EVA1C: variants seen among roughly 807,000 people sequenced by gnomAD.
EVA1C encodes eva-1 homolog C.
A neutral mutation model predicts 45.4 loss-of-function variants in EVA1C; 25 were observed. That is an observed-to-expected ratio of 0.55 (90% CI 0.40 to 0.77). The LOEUF is 0.77. Ranked by LOEUF, EVA1C falls within the 30% of genes least tolerant of loss-of-function variation. The pLI, the probability that EVA1C is intolerant of heterozygous loss-of-function variation, is 0.00. For synonymous variants in EVA1C, 190 were observed against 221.2 expected, an observed-to-expected ratio of 0.86 and a Z score of 1.25; for missense variants, 479 against 554.8, an observed-to-expected ratio of 0.86 and a Z score of 1.37.
In EVA1C at chr21:32,515,321, G is replaced by T; in HGVS notation, c.*131G>T. 1 of 998,756 alleles carries T rather than the reference G, an allele frequency of 1.0e-6. No individual in the cohort carries two copies. 61.9% of individuals were successfully genotyped at this position (998,756 alleles called of 1,614,324 possible). A position where few individuals can be genotyped will look rare whatever the true frequency, so the allele number is the denominator to read the frequency against. On this transcript the variant is annotated 3_prime_UTR_variant, in exon 8 of 8. Transcript: ENST00000300255. ...TGTCATTCAACACTCGTGAGGCCAG[G>T]AAGCTATTAAAGGGATGTTTCAAGC... is the stretch of plus-strand genomic sequence containing the variant.
chr21:32,412,858 T>G lies in EVA1C; in HGVS notation c.5T>G (p.Leu2Arg). 6.7e-7 allele frequency: 1 copy of G among 1,487,776 alleles called. No individual in the cohort carries two copies. Among genetic ancestry groups the G allele is most frequent in the Non-Finnish European group, 8.9e-7 (1 of 1,125,216 alleles). 92.2% of individuals were successfully genotyped at this position (1,487,776 alleles called of 1,614,324 possible). Reference protein sequence around the residue: MLLPGRARQPPT... With the variant: MRLPGRARQPPT... ...CGCCCCGCCGCGCAGCGCACGATGC[T>G]TCTGCCGGGACGCGCACGCCAACCG... Residue 2 changes from leucine to arginine, a missense_variant, in exon 1 of 8, where the codon CTT becomes CGT. By Grantham distance (102) the Leu-to-Arg change is moderately radical (BLOSUM62 -2). This residue lies in a region of EVA1C where 80 missense variants were observed against 63.8 expected (regional missense o/e 1.25). Coordinates refer to ENST00000300255, the MANE Select transcript of EVA1C (RefSeq NM_058187.5).
intron 4 of EVA1C, among the ~76,000 whole-genome samples, chr21:32,487,775 C>T (rs1451834508): frequency 1.3e-5 from 2 of 151,582 alleles, no homozygotes; most frequent in Non-Finnish European, 2.9e-5. Context: ...GAGCTCCATG[C>T]CCCGTCCCCA....
chr21:32,473,116 G>A (rs762929268), intron 4 of EVA1C, among the ~76,000 whole-genome samples: 2 of 152,246 alleles, frequency 1.3e-5, no homozygotes, highest in Non-Finnish European at 2.9e-5. Context: ...AGTGCTAAGG[G>A]CAGAACCACG....
intron 5 of EVA1C, chr21:32,496,803 G>A: frequency 1.3e-6 from 1 of 778,990 alleles, no homozygotes; most frequent in Non-Finnish European, 2.3e-6. Context: ...CCATAGCCCT[G>A]GGAACGGAGT....
At chr21:32,415,784 C>T (rs1298875888) in intron 1 of EVA1C, among the ~76,000 whole-genome samples, 1 of 152,146 alleles carries the variant, frequency 6.6e-6, no homozygotes, top group Non-Finnish European at 1.5e-5. Context: ...CACTGGAAGG[C>T]TATCATCACT....
intron 1 of EVA1C, among the ~76,000 whole-genome samples, chr21:32,445,204 A>G (rs1176931014): frequency 6.6e-6 from 1 of 152,208 alleles, no homozygotes. Flanking sequence ...TTGTCCGGCT[A>G]AGGGAATCTG....
Position 32,480,975 on chromosome 21 carries a change from T to A in EVA1C, c.634+13127T>A, listed in dbSNP as rs1021469321. On this transcript the variant is annotated intron_variant, in intron 4 of 7. Coordinates refer to ENST00000300255, the MANE Select transcript of EVA1C (RefSeq NM_058187.5). ...AAGTGCCGTCTCAAAAAAAAAAAAA[T>A]AAATAAAAATAAAATAAAATTATGT... 1.1e-4 allele frequency among the ~76,000 whole-genome samples: 17 copies of A among 149,582 alleles called. No homozygotes were observed. The East Asian group carries it at 1.6e-3, about 14-fold the overall frequency.
chr21:32,425,466 G>A (rs919825499), intron 1 of EVA1C, among the ~76,000 whole-genome samples: 4 of 151,966 alleles, frequency 2.6e-5, no homozygotes, highest in Non-Finnish European at 4.4e-5. Context: ...TTACAGATAG[G>A]AGCCACTGTG....
chr21:32,450,364 G>A (rs1490669573), intron 1 of EVA1C, among the ~76,000 whole-genome samples: 4 of 148,304 alleles, frequency 2.7e-5, no homozygotes, highest in African/African-American at 1.0e-4. Flanking sequence ...TTGTGGCTCT[G>A]CTTCTCTGGA....
At chr21:32,438,371 C>G (rs2035042654) in intron 1 of EVA1C, among the ~76,000 whole-genome samples, 1 of 151,446 alleles carries the variant, frequency 6.6e-6, no homozygotes, top group African/African-American at 2.4e-5. Context: ...GTGGCACATA[C>G]CTGTAGTCCC....
chr21:32,475,915 C>CTATCTATCTATCTA (rs1441763906), intron 4 of EVA1C, among the ~76,000 whole-genome samples: 1 of 94,064 alleles, frequency 1.1e-5, no homozygotes, highest in East Asian at 4.0e-4. Flanking sequence ...ATCTATCTAT[C>CTATCTATCTATCTA]TATCTATCTA....
chr21:32,450,382 C>A (rs2035534775), intron 1 of EVA1C, among the ~76,000 whole-genome samples: 1 of 105,194 alleles, frequency 9.5e-6, no homozygotes, highest in South Asian at 3.1e-4. Flanking sequence ...GGAGCCTTGT[C>A]ATTTTTTTTT....
chr21:32,417,524 G>A (rs1018362950), intron 1 of EVA1C, among the ~76,000 whole-genome samples: 3 of 152,292 alleles, frequency 2.0e-5, no homozygotes, highest in Middle Eastern at 3.4e-3. Flanking sequence ...ATCATAGTCT[G>A]AAGTGCTAGA....
chr21:32,413,140 C>T, intron 1 of EVA1C, 127 bp downstream of exon 1: 1 of 802,174 alleles, frequency 1.2e-6, no homozygotes, highest in African/African-American at 1.8e-5. Context: ...CTCACAGACA[C>T]TTGTCTGGTG....
chr21:32,429,055 CTGTCGCCCAGAGCGAGAT>C (rs1349989300), intron 1 of EVA1C, among the ~76,000 whole-genome samples: 1 of 152,150 alleles, frequency 6.6e-6, no homozygotes, highest in Non-Finnish European at 1.5e-5. Flanking sequence ...GGGTCTCGCT[CTGTCGCCCAGAGCGAGAT>C]TGTCGCCTTG....
Position 32,425,670 on chromosome 21 carries a change from C to T in EVA1C, c.160+12657C>T, listed in dbSNP as rs539834934. On this transcript the variant is annotated intron_variant, in intron 1 of 7. Transcript: ENST00000300255. ...CTTTACAGGGGACGGCGATCTTTACCCAGTGAACATTTTGCTTTTCCTGAT... is the reference window on the plus strand; with the variant it reads ...CTTTACAGGGGACGGCGATCTTTACTCAGTGAACATTTTGCTTTTCCTGAT... Among the ~76,000 whole-genome samples, 4 of 152,248 alleles carry T rather than the reference C, an allele frequency of 2.6e-5. No individual in the cohort carries two copies. The East Asian group carries it at 7.7e-4, about 29-fold the overall frequency.
At position 32,514,866 on chromosome 21, in the gene EVA1C, G is replaced by T; in HGVS notation, c.1002G>T (p.Leu334=). The T allele has an allele frequency of 6.2e-7, 1 of 1,610,078 alleles. No individual in the cohort carries two copies. Among genetic ancestry groups the T allele is most frequent in the Non-Finnish European group, 8.5e-7 (1 of 1,177,898 alleles). Residue 334 remains leucine, a synonymous_variant, in exon 8 of 8, where the codon CTG becomes CTT. Coordinates refer to ENST00000300255, the MANE Select transcript of EVA1C (RefSeq NM_058187.5). The stretch of plus-strand genomic sequence containing the variant: ...TCGTGTCCAGTGTCTGCATCGGCCT[G>T]GCCCTCACACTGTGCGCCCTGGTCA... ...LLFVSSVCIG[L]ALTLCALVIR...
chr21:32,501,179 AT>A (rs200151428), intron 5 of EVA1C, among the ~76,000 whole-genome samples: 2 of 151,586 alleles, frequency 1.3e-5, no homozygotes, highest in African/African-American at 2.4e-5. Context: ...TTTATTCTCC[AT>A]TTTTTTTAAT....
At chr21:32,457,993 C>A (rs1321184621) in intron 3 of EVA1C, among the ~76,000 whole-genome samples, 1 of 152,216 alleles carries the variant, frequency 6.6e-6, no homozygotes, top group Non-Finnish European at 1.5e-5. Context: ...ATGTAAAACT[C>A]AGTTGTACTG....
Sources: allele counts gnomAD v4.1 joint callset (sites outside exome capture counted in the v4.1 genomes callset), GRCh38; gene constraint gnomAD v4.1.1; regional missense constraint gnomAD v4.1.1; transcripts MANE v1.5; gene names NCBI Gene and HGNC (gene_info 2026-07-23, HGNC 2026-07-21).